The following OR56A3 variants were observed in gnomAD, a reference collection of about 807,000 sequenced individuals.
The protein encoded by OR56A3 is olfactory receptor 56A3.
A neutral mutation model predicts 17.5 loss-of-function variants in OR56A3; 23 were observed. The ratio of observed to expected loss-of-function variants is 1.32; its 90% CI spans 0.95 to 1.87. The LOEUF (loss-of-function observed/expected upper bound fraction) is 1.87. Ranked by LOEUF, OR56A3 falls within the 40% of genes most tolerant of loss-of-function variation. The pLI is 0.00. For synonymous variants in OR56A3, 175 were observed against 150.6 expected (o/e 1.16, Z -1.19); for missense variants, 366 against 380.1 (o/e 0.96, Z 0.31).
the OR56A3 span, chr11:5,994,333 T>C: frequency 1.5e-6 from 1 of 678,198 alleles, no homozygotes; most frequent in Non-Finnish European, 2.7e-6. Flanking sequence ...ACCACTGTGG[T>C]GCTCTCCTCA....
the OR56A3 span, chr11:6,002,356 C>T: frequency 6.2e-7 from 1 of 1,614,130 alleles, no homozygotes; most frequent in Non-Finnish European, 8.5e-7. Context: ...AGGATAAGAT[C>T]AGAGCCCAAC....
At chr11:5,964,180 T>A in the OR56A3 span, among the ~76,000 whole-genome samples, 3 of 152,254 alleles carry the variant, frequency 2.0e-5, no homozygotes, top group African/African-American at 4.8e-5. Context: ...ATAAAATAGC[T>A]GTTTTGTATT....
the OR56A3 span, chr11:6,002,801 G>A: frequency 1.1e-3 from 1,739 of 1,613,808 alleles, 5 homozygotes; most frequent in Middle Eastern, 2.9e-3. Context: ...GGCTGAGCAG[G>A]TAGTACAGGG....
chr11:5,981,165 T>A, the OR56A3 span, among the ~76,000 whole-genome samples: 4 of 152,174 alleles, frequency 2.6e-5, no homozygotes, highest in African/African-American at 9.7e-5. Context: ...TTGTAGAGTA[T>A]CTCACTGGGG....
the OR56A3 span, among the ~76,000 whole-genome samples, chr11:5,959,633 CTA>C: frequency 6.6e-6 from 1 of 152,136 alleles, no homozygotes; most frequent in Non-Finnish European, 1.5e-5. Flanking sequence ...TTTCTTCACT[CTA>C]TTGATTGCTT....
the OR56A3 span, among the ~76,000 whole-genome samples, chr11:5,962,785 G>C: frequency 2.6e-5 from 4 of 151,914 alleles, no homozygotes; most frequent in Non-Finnish European, 4.4e-5. Flanking sequence ...TGATTCACCC[G>C]CCTCGGCCTC....
At chr11:5,989,566 G>A in the OR56A3 span, among the ~76,000 whole-genome samples, 1 of 152,096 alleles carries the variant, frequency 6.6e-6, no homozygotes, top group African/African-American at 2.4e-5. Flanking sequence ...GTAAAAGTCT[G>A]CAAGTGCTTA....
chr11:5,983,898 T>C, the OR56A3 span, among the ~76,000 whole-genome samples: 1 of 152,224 alleles, frequency 6.6e-6, no homozygotes, highest in Non-Finnish European at 1.5e-5. Flanking sequence ...TTAAATACCA[T>C]AGCCTAACCT....
chr11:6,020,136 A>G, the OR56A3 span: 2 of 152,120 alleles, frequency 1.3e-5, no homozygotes, highest in Non-Finnish European at 2.9e-5. Context: ...GACAGACCAC[A>G]AGAATTCTGC....
intron 2 of OR56A3, among the ~76,000 whole-genome samples, chr11:5,945,579 TAAA>T (rs3082300): frequency 1.3e-4 from 15 of 114,528 alleles, no homozygotes; most frequent in East Asian, 4.9e-4. Context: ...AGACCCCATA[TAAA>T]AAAAAAAAAA....
the OR56A3 span, among the ~76,000 whole-genome samples, chr11:5,979,300 C>A: frequency 6.6e-6 from 1 of 151,894 alleles, no homozygotes; most frequent in African/African-American, 2.4e-5. Flanking sequence ...TTGGCACCAG[C>A]GCTTCTTTAC....
the OR56A3 span, among the ~76,000 whole-genome samples, chr11:5,976,462 A>G: frequency 2.0e-5 from 3 of 152,162 alleles, no homozygotes; most frequent in African/African-American, 7.2e-5. Context: ...CCTAAAATCT[A>G]TAAATAAATT....
the OR56A3 span, chr11:5,967,791 C>T: frequency 2.5e-6 from 4 of 1,582,624 alleles, no homozygotes; most frequent in Non-Finnish European, 3.4e-6. Context: ...GGCCATATCT[C>T]CCTCACCCTT....
the OR56A3 span, among the ~76,000 whole-genome samples, chr11:5,992,133 C>T: frequency 4.6e-5 from 7 of 152,320 alleles, no homozygotes; most frequent in South Asian, 4.1e-4. Context: ...CTCATTCTCA[C>T]GGAACAATCT....
the OR56A3 span, among the ~76,000 whole-genome samples, chr11:6,011,296 T>C: frequency 6.6e-6 from 1 of 151,648 alleles, no homozygotes; most frequent in South Asian, 2.1e-4. Context: ...AAGTCAGGAA[T>C]GCTCTTTATA....
chr11:5,986,656 G>A, the OR56A3 span: 6 of 1,613,954 alleles, frequency 3.7e-6, no homozygotes, highest in Non-Finnish European at 5.1e-6. Flanking sequence ...AGTGGAGGAG[G>A]CCAGAACCAG....
the OR56A3 span, chr11:6,020,791 C>G: frequency 6.6e-6 from 1 of 151,974 alleles, no homozygotes; most frequent in Non-Finnish European, 1.5e-5. Flanking sequence ...ATTTGGATGG[C>G]CTTTATTTCT....
the OR56A3 span, among the ~76,000 whole-genome samples, chr11:5,979,729 G>GT: frequency 6.6e-6 from 1 of 151,408 alleles, no homozygotes; most frequent in Admixed American, 6.6e-5. Flanking sequence ...TTGGTTATTT[G>GT]TTTTCTTCTG....
chr11:5,975,461 G>T, the OR56A3 span, among the ~76,000 whole-genome samples: 36 of 148,704 alleles, frequency 2.4e-4, no homozygotes, highest in African/African-American at 8.0e-4. Context: ...TGCAGTGTTT[G>T]GTTTTTTGTC....
Sources: gnomAD v4.1 joint callset for allele counts (sites outside exome capture counted in the v4.1 genomes callset) on GRCh38, gnomAD v4.1.1 for gene constraint, MANE v1.5 for transcripts, NCBI Gene and HGNC (gene_info 2026-07-23, HGNC 2026-07-21) for gene names.